ADCY10: variants seen among roughly 807,000 people sequenced by gnomAD.
The protein encoded by ADCY10 is adenylate cyclase type 10.
ADCY10 carries 156 observed loss-of-function variants against 183.3 expected under a neutral mutation model. The ratio of observed to expected loss-of-function variants is 0.85; its 90% CI spans 0.75 to 0.97. ADCY10 has a LOEUF of 0.97. ADCY10 is among the 50% of genes least tolerant of loss of function. ADCY10 has a pLI of 0.00. For missense variants in ADCY10, 1,745 were observed against 1,934.3 expected, an observed-to-expected ratio of 0.90 and a Z score of 1.84; for synonymous variants, 645 against 670.0, an observed-to-expected ratio of 0.96 and a Z score of 0.58.
chr1:167,837,377 T>C lies in ADCY10; in HGVS notation c.3008-59A>G, dbSNP rs1664293357. 1.7e-5 allele frequency: 24 copies of C among 1,418,596 alleles called. No homozygotes were observed. The South Asian group carries it at 2.2e-4, about 13-fold the overall frequency. The allele number at this position is 1,418,596 out of a possible 1,614,324, so 87.9% of individuals were successfully genotyped here. A position where few individuals can be genotyped will look rare whatever the true frequency, so the allele number is the denominator to read the frequency against. ...TGAAATGTTCTCTGCAGTGGAGATA[T>C]CTGCTGTCTACCCAAGACTCTTGTT... On this transcript the variant is annotated intron_variant, in intron 21 of 32. Coordinates refer to ENST00000367851, the MANE Select transcript of ADCY10 (RefSeq NM_018417.6).
At chr1:167,850,422 G>A (rs887096529) in intron 18 of ADCY10, among the ~76,000 whole-genome samples, 2 of 152,110 alleles carry the variant, frequency 1.3e-5, no homozygotes, top group African/African-American at 4.8e-5. Context: ...GTGAGGTTAG[G>A]GTTCGACACA....
At position 167,823,930 on chromosome 1, in the gene ADCY10, T is replaced by C. The variant is rs181934693; in HGVS notation, c.4052+546A>G. Among the ~76,000 whole-genome samples the C allele has an allele frequency of 1.3e-3, 205 of 152,334 alleles. 4 individuals carry two copies. The highest frequency in any genetic ancestry group is 9.6e-3 in the East Asian group (50 of 5,192). ...TCTCCACCTGACAGAAGTGGAGGCC[T>C]GATTCCCACAGCTGGGATGACTGTC... is the stretch of plus-strand genomic sequence containing the variant. On this transcript the variant is annotated intron_variant, in intron 28 of 32. Transcript: ENST00000367851.
At chr1:167,843,847 C>T (rs1047507993) in intron 21 of ADCY10, among the ~76,000 whole-genome samples, 1 of 152,182 alleles carries the variant, frequency 6.6e-6, no homozygotes, top group Non-Finnish European at 1.5e-5. Flanking sequence ...GTAAACAACC[C>T]ACTTGAGGAG....
At chr1:167,829,208 G>C (rs1350074975) in intron 26 of ADCY10, 59 bp downstream of exon 26, 19 of 1,601,312 alleles carry the variant, frequency 1.2e-5, no homozygotes, top group Non-Finnish European at 1.6e-5. Flanking sequence ...GCTTTCACTA[G>C]GCTTTTCTTC....
chr1:167,879,608 A>G (rs1010944555), intron 11 of ADCY10, among the ~76,000 whole-genome samples: 3 of 152,030 alleles, frequency 2.0e-5, no homozygotes, highest in Non-Finnish European at 4.4e-5. Context: ...TTTCAGACAT[A>G]ACTATCGTGG....
chr1:167,878,524 T>C lies in ADCY10; in HGVS notation c.1328A>G (p.Lys443Arg), dbSNP rs1400692653. 5.0e-6 allele frequency: 8 copies of C among 1,614,060 alleles called. No homozygotes were observed. Among genetic ancestry groups the C allele is most frequent in the Non-Finnish European group, 5.9e-6 (7 of 1,180,048 alleles). ...NGSNLPAYFF[K>R]ELPKKVMKGV... ...TTTCATAACTTTCTTTGGAAGCTCT[T>C]TAAAAAAGTACGCTGGTAGGTTGCT... Residue 443 changes from lysine to arginine, a missense_variant, in exon 12 of 33, where the codon AAA becomes AGA. Transcript: ENST00000367851.
At chr1:167,837,063 A>C (rs1664262263) in intron 22 of ADCY10, 186 bp downstream of exon 22, 2 of 659,666 alleles carry the variant, frequency 3.0e-6, no homozygotes, top group Admixed American at 2.3e-5. Flanking sequence ...CTTTAAAAAC[A>C]AAAGAGCAGG....
At chr1:167,842,430 G>A (rs1359405821) in intron 21 of ADCY10, among the ~76,000 whole-genome samples, 1 of 152,074 alleles carries the variant, frequency 6.6e-6, no homozygotes, top group Non-Finnish European at 1.5e-5. Flanking sequence ...CAAAGTGCTG[G>A]GATTACAAGC....
At chr1:167,883,958 A>G in intron 8 of ADCY10, among the ~76,000 whole-genome samples, 1 of 152,196 alleles carries the variant, frequency 6.6e-6, no homozygotes, top group East Asian at 1.9e-4. Context: ...AAAAATTTAA[A>G]ATTTTTTAAT....
At chr1:167,856,520 C>G (rs1665912707) in intron 16 of ADCY10, 81 bp from the exon 17 acceptor site, 1 of 1,399,676 alleles carries the variant, frequency 7.1e-7, no homozygotes, top group South Asian at 1.2e-5. Context: ...GCATATGTAT[C>G]CATTGAGCTT....
chr1:167,903,639 G>C (rs984758477), intron 3 of ADCY10, among the ~76,000 whole-genome samples: 2 of 152,126 alleles, frequency 1.3e-5, no homozygotes, highest in Non-Finnish European at 2.9e-5. Flanking sequence ...TCTTTTAAAA[G>C]CAGTGTATAA....
At chr1:167,911,469 T>C (rs1320228865) in intron 1 of ADCY10, among the ~76,000 whole-genome samples, 1 of 152,218 alleles carries the variant, frequency 6.6e-6, no homozygotes, top group African/African-American at 2.4e-5. Context: ...TTTAAAAGTA[T>C]TTTTACTTTT....
chr1:167,846,703 T>A (rs188818758), intron 19 of ADCY10, among the ~76,000 whole-genome samples: 1 of 152,316 alleles, frequency 6.6e-6, no homozygotes, highest in East Asian at 1.9e-4. Flanking sequence ...TTTCTCTCTA[T>A]CTGCCCTAGA....
At chr1:167,824,884 G>A (rs373439224) in intron 26 of ADCY10, 29 bp from the exon 27 acceptor site, 38 of 1,600,534 alleles carry the variant, frequency 2.4e-5, no homozygotes, top group Non-Finnish European at 3.2e-5. Flanking sequence ...GGAAGAGTGA[G>A]GCAGAACGCA....
At chr1:167,817,899 AG>A (rs1283824641) in intron 31 of ADCY10, among the ~76,000 whole-genome samples, 172 bp downstream of exon 31, 4 of 152,252 alleles carry the variant, frequency 2.6e-5, no homozygotes, top group Non-Finnish European at 5.9e-5. Flanking sequence ...CTTATCTCTG[AG>A]TAGTAAGGTT....
chr1:167,879,005 G>A (rs767586199), intron 11 of ADCY10, among the ~76,000 whole-genome samples: 7 of 152,160 alleles, frequency 4.6e-5, no homozygotes, highest in Non-Finnish European at 8.8e-5. Flanking sequence ...TGGGCCTGGG[G>A]TACTGATCTC....
rs1383643707 is a variant in ADCY10 at position 167,905,124 on chromosome 1, TC to T, written c.16del (p.Glu6LysfsTer8). Reference protein sequence around the residue: MNTPKEEFQDWPIVRI... With the variant: MNTPKXEFQDWPIVRI... ...GACTATGGGCCAGTCCTGGAATTCT[TC>T]TTTTGGAGTGTTCATGTTCAAGACA... On this transcript the variant is annotated frameshift_variant, in exon 2 of 33. Transcript: ENST00000367851. LOFTEE classifies it high-confidence loss of function. 7 of 1,614,244 alleles carry T rather than the reference TC, an allele frequency of 4.3e-6. No individual in the cohort carries two copies.
intron 12 of ADCY10, among the ~76,000 whole-genome samples, chr1:167,876,790 T>G (rs769359898): frequency 6.6e-6 from 1 of 152,198 alleles, no homozygotes. Context: ...GGACTCAGCC[T>G]TGTGAATGCT....
chr1:167,856,934 T>G (rs1487928329), intron 16 of ADCY10, among the ~76,000 whole-genome samples: 2 of 152,226 alleles, frequency 1.3e-5, no homozygotes, highest in African/African-American at 2.4e-5. Context: ...GATGCTATTC[T>G]AGCTTGAAAT....
Sources: gnomAD v4.1 joint callset for allele counts (sites outside exome capture counted in the v4.1 genomes callset) on GRCh38, gnomAD v4.1.1 for gene constraint, MANE v1.5 for transcripts, NCBI Gene and HGNC (gene_info 2026-07-23, HGNC 2026-07-21) for gene names.